Variants in RPL37A observed in about 807,000 individuals in gnomAD.
RPL37A encodes ribosomal protein L37a, also known as large ribosomal subunit protein eL43.
A neutral mutation model predicts 13.6 loss-of-function variants in RPL37A; 5 were observed. That is an observed-to-expected ratio of 0.37 (90% confidence interval 0.19 to 0.78). The LOEUF is 0.78. Ranked by LOEUF, RPL37A falls within the 30% of genes least tolerant of loss-of-function variation. The pLI is 0.49. For synonymous variants in RPL37A, 50 were observed against 44.4 expected (o/e 1.13, Z -0.50); for missense variants, 77 against 120.0 (o/e 0.64, Z 1.67).
intron 2 of RPL37A, 53 bp downstream of exon 2, chr2:216,499,451 C>T: frequency 6.3e-7 from 1 of 1,596,084 alleles, no homozygotes; most frequent in Non-Finnish European, 8.5e-7. Context: ...GTTTCTTACC[C>T]AAGTGAGGCC....
intron 3 of RPL37A, 42 bp from the exon 4 acceptor site, chr2:216,501,299 T>G (rs1280627660): frequency 6.5e-7 from 1 of 1,550,314 alleles, no homozygotes; most frequent in East Asian, 2.2e-5. Flanking sequence ...TTTTCTATGT[T>G]AACATGCTTA....
chr2:216,499,251 C>G lies in RPL37A; in HGVS notation c.4-19C>G. Reference sequence around the variant, plus strand: ...TGGGTTCCAGGTCTATCACTGGTTTCTCCCTTCACTCTAAACAGGCCAAAC... The same window carrying G: ...TGGGTTCCAGGTCTATCACTGGTTTGTCCCTTCACTCTAAACAGGCCAAAC... On this transcript the variant is annotated intron_variant, in intron 1 of 3. Coordinates refer to ENST00000491306, the MANE Select transcript of RPL37A (RefSeq NM_000998.5). 1 of 1,608,052 alleles carries G rather than the reference C, an allele frequency of 6.2e-7. No homozygotes were observed.
At chr2:216,499,583 T>C in intron 2 of RPL37A, 185 bp downstream of exon 2, 2 of 790,410 alleles carry the variant, frequency 2.5e-6, no homozygotes, top group South Asian at 3.8e-5. Context: ...ACGTTTTTCA[T>C]TTAAAGAAAA....
At chr2:216,499,522 G>A in intron 2 of RPL37A, 124 bp downstream of exon 2, 1 of 1,151,030 alleles carries the variant, frequency 8.7e-7, no homozygotes, top group African/African-American at 1.6e-5. Flanking sequence ...TCATACCGTT[G>A]ATTATGAGTT....
intron 2 of RPL37A, 40 bp from the exon 3 acceptor site, chr2:216,499,909 A>G (rs1695569832): frequency 6.5e-7 from 1 of 1,530,054 alleles, no homozygotes. Flanking sequence ...AAGAGAAAAT[A>G]CTTACTTGGT....
In RPL37A at chr2:216,498,856, G is replaced by C; in HGVS notation, c.-19G>C. 1 of 1,614,108 alleles carries C rather than the reference G, an allele frequency of 6.2e-7. No homozygotes were observed. The highest frequency in any genetic ancestry group is 1.3e-5 in the African/African-American group (1 of 75,048). On this transcript the variant is annotated 5_prime_UTR_variant, in exon 1 of 4. Coordinates refer to ENST00000491306, the MANE Select transcript of RPL37A (RefSeq NM_000998.5). ...ACCGCGTCTCTTCCTTTCTGGGCTC[G>C]GACCTAGGTCGCGGCGACATGGTGA...
intron 3 of RPL37A, 29 bp downstream of exon 3, chr2:216,500,060 A>C (rs761279833): frequency 5.7e-6 from 9 of 1,585,286 alleles, no homozygotes; most frequent in Middle Eastern, 2.2e-4. Flanking sequence ...GGTATTTGGA[A>C]GTGTGTGGAC....
intron 1 of RPL37A, 188 bp from the exon 2 acceptor site, chr2:216,499,082 C>T: frequency 9.7e-6 from 11 of 1,136,062 alleles, no homozygotes; most frequent in Non-Finnish European, 1.4e-5. Flanking sequence ...GCCGGGTTAA[C>T]GCCGGGCCTT....
In RPL37A at chr2:216,503,312, G is replaced by A. The variant is rs542756839; in HGVS notation, c.*1908G>A. On this transcript the variant is annotated 3_prime_UTR_variant, in exon 4 of 4. Transcript: ENST00000491306. ...TAGTAGAATGGAGTATATGCTGGGT[G>A]TTTGGATTATTAATTTGGAGTCTTA... The A allele has an allele frequency of 3.9e-5, 6 of 152,304 alleles. No individual in the cohort carries two copies. In the East Asian group the frequency reaches 1.2e-3, roughly 29 times the overall value. The allele number at this position is 152,304 out of a possible 1,614,324, so 9.4% of individuals were successfully genotyped here.
In RPL37A at chr2:216,502,351, A is replaced by G. The variant is rs1695613520; in HGVS notation, c.*947A>G. The stretch of plus-strand genomic sequence containing the variant: ...AAAAAAGTTTCTGAAGGTAAAAGAT[A>G]TACTAAAGGATATACATATACTGCC... On this transcript the variant is annotated 3_prime_UTR_variant, in exon 4 of 4. Transcript: ENST00000491306. The G allele has an allele frequency of 2.0e-5, 3 of 152,198 alleles. No homozygotes were observed. Among genetic ancestry groups the G allele is most frequent in the Admixed American group, 6.5e-5 (1 of 15,280 alleles). 9.4% of individuals were successfully genotyped at this position (152,198 alleles called of 1,614,324 possible).
At chr2:216,499,679 C>A in intron 2 of RPL37A, 1 of 637,990 alleles carries the variant, frequency 1.6e-6, no homozygotes, top group South Asian at 1.8e-5. Flanking sequence ...ATGATTCCAT[C>A]AGTTTTGTCT....
intron 2 of RPL37A, 69 bp downstream of exon 2, chr2:216,499,467 T>G: frequency 6.4e-7 from 1 of 1,569,312 alleles, no homozygotes; most frequent in Non-Finnish European, 8.7e-7. Context: ...AGGCCTGACT[T>G]CAAGGTATTT....
rs772082255 is a variant in RPL37A at position 216,498,859 on chromosome 2, C to T, written c.-16C>T. Reference sequence around the variant, plus strand: ...GCGTCTCTTCCTTTCTGGGCTCGGACCTAGGTCGCGGCGACATGGTGAGTG... The same window carrying T: ...GCGTCTCTTCCTTTCTGGGCTCGGATCTAGGTCGCGGCGACATGGTGAGTG... On this transcript the variant is annotated 5_prime_UTR_variant, in exon 1 of 4. Transcript: ENST00000491306. 2 of 1,614,050 alleles carry T rather than the reference C, an allele frequency of 1.2e-6. No individual in the cohort carries two copies. Among genetic ancestry groups the T allele is most frequent in the East Asian group, 2.2e-5 (1 of 44,894 alleles).
At chr2:216,499,690 A>G (rs1695563955) in intron 2 of RPL37A, 1 of 656,652 alleles carries the variant, frequency 1.5e-6, no homozygotes, top group East Asian at 2.8e-5. Flanking sequence ...AGTTTTGTCT[A>G]CTGATGTTTC....
chr2:216,499,906 A>G, intron 2 of RPL37A, 43 bp from the exon 3 acceptor site: 2 of 1,522,846 alleles, frequency 1.3e-6, no homozygotes, highest in Non-Finnish European at 9.1e-7. Context: ...TGTAAGAGAA[A>G]ATACTTACTT....
rs746587684 is a variant in RPL37A, at chr2:216,498,887, G to T, written c.3+10G>T. 2.3e-5 allele frequency: 37 copies of T among 1,613,368 alleles called. 1 individual carries two copies. In the South Asian group the frequency reaches 3.8e-4, roughly 17 times the overall value. On this transcript the variant is annotated intron_variant, in intron 1 of 3. Transcript: ENST00000491306. ...AGGTCGCGGCGACATGGTGAGTGTG[G>T]GTCTCTGTGCGGCCTAGAACTCTAT...
Position 216,502,987 on chromosome 2 carries a change from A to C in RPL37A, c.*1583A>C, listed in dbSNP as rs2106111743. On this transcript the variant is annotated 3_prime_UTR_variant, in exon 4 of 4. Transcript: ENST00000491306. ...ATTTGTGTCACAAAATGGTACTCCT[A>C]CTGATTTTGTAATGTGAAGCAAGTA... 1 of 152,226 alleles carries C rather than the reference A, an allele frequency of 6.6e-6. No homozygotes were observed. Among genetic ancestry groups the C allele is most frequent in the East Asian group, 1.9e-4 (1 of 5,164 alleles). 9.4% of individuals were successfully genotyped at this position (152,226 alleles called of 1,614,324 possible).
In RPL37A at chr2:216,501,452, A is replaced by C; in HGVS notation, c.*48A>C. 1 of 1,339,854 alleles carries C rather than the reference A, an allele frequency of 7.5e-7. No homozygotes were observed. Among genetic ancestry groups the C allele is most frequent in the East Asian group, 2.3e-5 (1 of 43,406 alleles). 83.0% of individuals were successfully genotyped at this position (1,339,854 alleles called of 1,614,324 possible). Reference sequence around the variant, plus strand: ...ATCACTGGCCTATAATAAATGGGTTAATTTATGTAACAAAATTGCCTTGGC... The same window carrying C: ...ATCACTGGCCTATAATAAATGGGTTCATTTATGTAACAAAATTGCCTTGGC... On this transcript the variant is annotated 3_prime_UTR_variant, in exon 4 of 4. Coordinates refer to ENST00000491306, the MANE Select transcript of RPL37A (RefSeq NM_000998.5).
At chr2:216,501,120 CAT>C (rs1474892601) in intron 3 of RPL37A, 4 of 420,950 alleles carry the variant, frequency 9.5e-6, no homozygotes, top group African/African-American at 2.0e-5. Flanking sequence ...AGGATGCCAT[CAT>C]GTAGTTTAGA....
Sources: allele counts gnomAD v4.1 joint callset, GRCh38; gene constraint gnomAD v4.1.1; transcripts MANE v1.5; gene names NCBI Gene and HGNC (gene_info 2026-07-23, HGNC 2026-07-21).